POLR1C: variants seen among roughly 807,000 people sequenced by gnomAD.
POLR1C encodes RNA polymerase I and III subunit C, also known as DNA-directed RNA polymerases I and III subunit RPAC1.
POLR1C carries 42 observed loss-of-function variants against 38.3 expected under a neutral mutation model. That is an observed-to-expected ratio of 1.10 (90% CI 0.86 to 1.42). POLR1C has a LOEUF of 1.42. Among genes scored for constraint, POLR1C ranks in the 40% most tolerant of loss-of-function variants. The pLI is 0.00. For synonymous variants in POLR1C, 163 were observed against 163.9 expected (o/e 0.99, Z 0.04); for missense variants, 507 against 450.5 (o/e 1.13, Z -1.14).
At chr6:43,546,193 C>T (rs1794956509) in intron 9 of POLR1C, among the ~76,000 whole-genome samples, 1 of 152,076 alleles carries the variant, frequency 6.6e-6, no homozygotes, top group African/African-American at 2.4e-5. Flanking sequence ...TGAATACCAC[C>T]TAGACAAGCA....
intron 8 of POLR1C, chr6:43,527,585 C>A: frequency 1.3e-6 from 2 of 1,598,402 alleles, no homozygotes; most frequent in Non-Finnish European, 1.7e-6. Flanking sequence ...GCGACCAGCT[C>A]TTCTTCCAGG....
intron 9 of POLR1C, chr6:43,539,068 C>T: frequency 4.0e-6 from 6 of 1,484,782 alleles, no homozygotes; most frequent in Middle Eastern, 2.3e-4. Flanking sequence ...TCATGAGCAG[C>T]TTCTTGGGCA....
At chr6:43,546,788 AGG>A in intron 9 of POLR1C, 2 of 1,496,728 alleles carry the variant, frequency 1.3e-6, no homozygotes, top group Non-Finnish European at 8.9e-7. Flanking sequence ...AAATATTAAA[AGG>A]AAAAAAAAAA....
chr6:43,547,046 G>A (rs2127727841), intron 9 of POLR1C, among the ~76,000 whole-genome samples: 1 of 152,222 alleles, frequency 6.6e-6, no homozygotes, highest in East Asian at 1.9e-4. Flanking sequence ...AGGTGGCTTA[G>A]ATACGATCCA....
At chr6:43,560,967 T>C (rs759940636) in intron 10 of POLR1C, 4 of 1,613,962 alleles carry the variant, frequency 2.5e-6, no homozygotes, top group Non-Finnish European at 3.4e-6. Flanking sequence ...TTCCAGGTAT[T>C]TTCCAAAGTT....
intron 10 of POLR1C, chr6:43,553,449 G>A: frequency 6.3e-7 from 1 of 1,589,820 alleles, no homozygotes; most frequent in Non-Finnish European, 8.6e-7. Context: ...CTGCACGAAT[G>A]AAGGTGAGAA....
intron 9 of POLR1C, among the ~76,000 whole-genome samples, chr6:43,541,213 CAAT>C (rs1267724148): frequency 6.6e-6 from 1 of 151,876 alleles, no homozygotes; most frequent in Non-Finnish European, 1.5e-5. Flanking sequence ...TGACTATAGT[CAAT>C]AATAATTTTG....
At position 43,527,587 on chromosome 6, in the gene POLR1C, T is replaced by C. The variant is rs373706491; in HGVS notation, c.923-1662T>C. 2.0e-4 allele frequency: 315 copies of C among 1,599,600 alleles called. No individual in the cohort carries two copies. In the African/African-American group the frequency reaches 4.0e-3, roughly 20 times the overall value. On this transcript the variant is annotated intron_variant, in intron 8 of 8. Transcript: ENST00000304004. ...TGGAGTTGGCTGAGCGACCAGCTCTTCTTCCAGGAAAATCCTCTATAGCCC... is the reference window on the plus strand; with the variant it reads ...TGGAGTTGGCTGAGCGACCAGCTCTCCTTCCAGGAAAATCCTCTATAGCCC...
rs368000134 is a variant in POLR1C at position 43,555,897 on chromosome 6, C to A, written c.*48+4886C>A. 6.8e-6 allele frequency: 11 copies of A among 1,613,888 alleles called. No homozygotes were observed. The African/African-American group carries it at 1.5e-4, about 22-fold the overall frequency. On this transcript the variant is annotated intron_variant, in intron 10 of 10. Coordinates refer to the POLR1C transcript ENST00000607635. ...GATACTTTAGCCACTCCCCAGCCATCTGGAAGCTAGTTTTGGGATCCAAAC... is the reference window on the plus strand; with the variant it reads ...GATACTTTAGCCACTCCCCAGCCATATGGAAGCTAGTTTTGGGATCCAAAC...
At chr6:43,540,630 G>A (rs912052806) in intron 9 of POLR1C, among the ~76,000 whole-genome samples, 2 of 152,144 alleles carry the variant, frequency 1.3e-5, no homozygotes, top group Admixed American at 6.5e-5. Flanking sequence ...GCCAGCCTGG[G>A]CAACAAGAGT....
chr6:43,518,303 G>A (rs553889001), intron 2 of POLR1C, among the ~76,000 whole-genome samples: 2 of 152,274 alleles, frequency 1.3e-5, no homozygotes, highest in South Asian at 2.1e-4. Flanking sequence ...TAGAATAGAA[G>A]GTAAATTTAT....
intron 9 of POLR1C, chr6:43,549,369 T>C (rs1795120107): frequency 1.7e-5 from 17 of 989,640 alleles, no homozygotes; most frequent in Non-Finnish European, 2.0e-5. Context: ...CGGCCAAGGA[T>C]GCTTATATGA....
At chr6:43,528,247 G>C (rs745548725) in intron 8 of POLR1C, 6 of 1,548,008 alleles carry the variant, frequency 3.9e-6, no homozygotes, top group Admixed American at 3.8e-5. Context: ...ATTGGGGAAA[G>C]GATTGGAACA....
chr6:43,556,717 TA>T (rs1370168081), intron 10 of POLR1C, among the ~76,000 whole-genome samples: 6 of 152,124 alleles, frequency 3.9e-5, no homozygotes, highest in African/African-American at 1.4e-4. Context: ...ACCTTGTATA[TA>T]AATGTTCATA....
exon 9 of POLR1C, chr6:43,529,463 A>G: frequency 6.3e-6 from 2 of 315,714 alleles, no homozygotes; most frequent in Admixed American, 4.7e-5. Flanking sequence ...CTAAGGCAAG[A>G]GAATGGTGTG....
At chr6:43,524,101 A>G, downstream of POLR1C, 1 of 1,510,408 alleles carries the variant, frequency 6.6e-7, no homozygotes, top group South Asian at 1.3e-5. Flanking sequence ...CTGTAATCCC[A>G]ACACTTTTGG....
At position 43,546,886 on chromosome 6, in the gene POLR1C, G is replaced by A. The variant is rs539166440; in HGVS notation, c.*5-4082G>A. ...AGAATGAAATAATCCTCTGCTCCCCGGCAATCCCCCATCCCTTCCTTTAAG... is the reference window on the plus strand; with the variant it reads ...AGAATGAAATAATCCTCTGCTCCCCAGCAATCCCCCATCCCTTCCTTTAAG... On this transcript the variant is annotated intron_variant, in intron 9 of 10. Transcript: ENST00000607635. The A allele has an allele frequency of 1.2e-4, 102 of 885,742 alleles. No homozygotes were observed. In the African/African-American group the frequency reaches 1.6e-3, roughly 14 times the overall value. The allele number at this position is 885,742 out of a possible 1,614,324, so 54.9% of individuals were successfully genotyped here.
At chr6:43,550,861 TA>T (rs1795192531) in intron 9 of POLR1C, 1 of 152,494 alleles carries the variant, frequency 6.6e-6, no homozygotes, top group Non-Finnish European at 1.5e-5. Flanking sequence ...CTTCCTCTCA[TA>T]AATCCCCTCC....
At chr6:43,530,706 G>A (rs201384892), downstream of POLR1C, 4 of 1,613,904 alleles carry the variant, frequency 2.5e-6, no homozygotes, top group African/African-American at 1.3e-5. Context: ...GGTCTGAGTC[G>A]GTAGTCAGGA....
Sources: allele counts gnomAD v4.1 joint callset (sites outside exome capture counted in the v4.1 genomes callset), GRCh38; gene constraint gnomAD v4.1.1; transcripts MANE v1.5; gene names NCBI Gene and HGNC (gene_info 2026-07-23, HGNC 2026-07-21).